EGFR: variants seen among roughly 807,000 people sequenced by gnomAD.
EGFR encodes avian erythroblastic leukemia viral (v-erb-b) oncogene homolog.
In EGFR, 58 loss-of-function variants were observed where a neutral mutation model predicts 143.0. The observed-to-expected ratio is 0.41, with a 90% CI of 0.33 to 0.50. The LOEUF is 0.50. Among genes scored for constraint, EGFR ranks in the 20% least tolerant of loss-of-function variants. EGFR has a pLI of 0.39. For synonymous variants in EGFR, 613 were observed against 594.4 expected, an observed-to-expected ratio of 1.03 and a Z score of -0.45; for missense variants, 1,307 against 1,579.0, an observed-to-expected ratio of 0.83 and a Z score of 2.92.
chr7:55,160,390 T>C, intron 12 of EGFR, 52 bp downstream of exon 12: 14 of 1,564,564 alleles, frequency 8.9e-6, no homozygotes, highest in Non-Finnish European at 1.1e-5. Flanking sequence ...ATGGGTCCTT[T>C]ATTTGTATTT....
rs1584165001 is a variant in EGFR, at chr7:55,151,482, G to A, written c.628+120G>A. 17 of 1,028,496 alleles carry A rather than the reference G, an allele frequency of 1.7e-5. No individual in the cohort carries two copies. In the East Asian group the frequency reaches 4.2e-4, roughly 25 times the overall value. The allele number at this position is 1,028,496 out of a possible 1,614,324, so 63.7% of individuals were successfully genotyped here. On this transcript the variant is annotated intron_variant, in intron 5 of 27. Transcript: ENST00000275493. ...AAAGAGTTACTTTATTACAGGGTCA[G>A]ATGTGAACCAGTAGGTGAAGGACAG...
chr7:55,204,165 A>G (rs1787996113), intron 27 of EGFR, among the ~76,000 whole-genome samples: 1 of 150,646 alleles, frequency 6.6e-6, no homozygotes, highest in Non-Finnish European at 1.5e-5. Flanking sequence ...CTACACACAC[A>G]CATACACACA....
intron 1 of EGFR, among the ~76,000 whole-genome samples, chr7:55,070,151 G>A (rs1041886828): frequency 3.9e-5 from 6 of 152,182 alleles, no homozygotes; most frequent in Admixed American, 6.5e-5. Context: ...TTCTCTGAAT[G>A]TTACATTTTC....
intron 19 of EGFR, among the ~76,000 whole-genome samples, chr7:55,177,772 T>A (rs1345384577): frequency 1.3e-5 from 2 of 152,248 alleles, no homozygotes; most frequent in African/African-American, 4.8e-5. Context: ...GGGCTCCAAC[T>A]GTGCGCTCTG....
At chr7:55,135,243 CAAAAT>C (rs1794070242) in intron 1 of EGFR, among the ~76,000 whole-genome samples, 1 of 151,682 alleles carries the variant, frequency 6.6e-6, no homozygotes, top group African/African-American at 2.4e-5. Context: ...TTCCCTAACT[CAAAAT>C]AAAGAGATGT....
In EGFR at chr7:55,198,784, C is replaced by A. The variant is rs1787727113; in HGVS notation, c.2769C>A (p.Ile923=). The A allele has an allele frequency of 5.6e-6, 9 of 1,614,242 alleles. No individual in the cohort carries two copies. Among genetic ancestry groups the A allele is most frequent in the Non-Finnish European group, 7.6e-6 (9 of 1,180,044 alleles). Residue 923 remains isoleucine (I), a synonymous_variant, in exon 23 of 28, where the codon ATC becomes ATA. Transcript: ENST00000275493. The part of the protein sequence containing the change: ...KPYDGIPASE[I]SSILEKGERL... Reference sequence around the variant, plus strand: ...ATGACGGAATCCCTGCCAGCGAGATCTCCTCCATCCTGGAGAAAGGAGAAC... The same window carrying A: ...ATGACGGAATCCCTGCCAGCGAGATATCCTCCATCCTGGAGAAAGGAGAAC...
intron 1 of EGFR, among the ~76,000 whole-genome samples, chr7:55,131,592 G>A (rs1479223154): frequency 1.3e-5 from 2 of 152,178 alleles, no homozygotes. Context: ...GGCGGCTTGG[G>A]CCCCTCGGAC....
chr7:55,082,734 C>G lies in EGFR; in HGVS notation c.89-59552C>G, dbSNP rs1790534677. ...CAGGGCAGCCGTAGTGTGTGGCTTC[C>G]CCAGGGCTGCTCTAACAGATCACCA... On this transcript the variant is annotated intron_variant, in intron 1 of 27. Transcript: ENST00000275493. 2.6e-5 allele frequency among the ~76,000 whole-genome samples: 4 copies of G among 152,286 alleles called. No individual in the cohort carries two copies. The South Asian group carries it at 8.3e-4, about 32-fold the overall frequency.
chr7:55,101,967 G>A (rs924884063), intron 1 of EGFR, among the ~76,000 whole-genome samples: 3 of 152,124 alleles, frequency 2.0e-5, no homozygotes, highest in African/African-American at 4.8e-5. Context: ...GCTATGTCGG[G>A]AAACTCTGTA....
chr7:55,056,504 T>TAGA (rs552001835), intron 1 of EGFR, among the ~76,000 whole-genome samples: 58 of 152,370 alleles, frequency 3.8e-4, no homozygotes, highest in African/African-American at 1.3e-3. Context: ...CCATTTCACA[T>TAGA]ATTGTTAGAA....
intron 1 of EGFR, among the ~76,000 whole-genome samples, chr7:55,057,025 A>T (rs1788866467): frequency 6.6e-6 from 1 of 152,200 alleles, no homozygotes; most frequent in Non-Finnish European, 1.5e-5. Flanking sequence ...AGGCACAAGG[A>T]TGCGCAGCAA....
Position 55,194,787 on chromosome 7 carries a change from A to G in EGFR, c.2701+1946A>G, listed in dbSNP as rs541393971. Among the ~76,000 whole-genome samples the G allele has an allele frequency of 1.5e-4, 23 of 152,330 alleles. 2 individuals are homozygous for G. The South Asian group carries it at 4.3e-3, about 29-fold the overall frequency. ...CAGGAAGTCCGTTCCCACTGAAAACATTGTGTGTTTTCAACATCATTGAGG... is the reference window on the plus strand; with the variant it reads ...CAGGAAGTCCGTTCCCACTGAAAACGTTGTGTGTTTTCAACATCATTGAGG... On this transcript the variant is annotated intron_variant, in intron 22 of 27. Coordinates refer to ENST00000275493, the MANE Select transcript of EGFR (RefSeq NM_005228.5).
chr7:55,158,789 G>A (rs1225722326), intron 11 of EGFR, among the ~76,000 whole-genome samples: 1 of 152,214 alleles, frequency 6.6e-6, no homozygotes, highest in Non-Finnish European at 1.5e-5. Flanking sequence ...GGAAAACCTG[G>A]CTCTGCCCTG....
chr7:55,164,678 G>T (rs889779970), intron 14 of EGFR, among the ~76,000 whole-genome samples: 12 of 152,180 alleles, frequency 7.9e-5, no homozygotes, highest in African/African-American at 2.9e-4. Context: ...TTTCCCTGCT[G>T]GTTTTATTTC....
intron 1 of EGFR, among the ~76,000 whole-genome samples, chr7:55,132,787 G>A (rs1240772798): frequency 6.6e-6 from 1 of 152,200 alleles, no homozygotes; most frequent in Admixed American, 6.5e-5. Context: ...AGGGCAGTGA[G>A]TACTTCTGAT....
In EGFR at chr7:55,206,905, G is replaced by C; in HGVS notation, c.*1288G>C. On this transcript the variant is annotated 3_prime_UTR_variant, in exon 28 of 28. Transcript: ENST00000275493. ...AGCATTATGAGTAGTGTGGAATTCAGGTAGTAAATATGAAACTAGGGTTTG... is the reference window on the plus strand; with the variant it reads ...AGCATTATGAGTAGTGTGGAATTCACGTAGTAAATATGAAACTAGGGTTTG... 4.3e-6 allele frequency: 1 copy of C among 233,156 alleles called. No homozygotes were observed. The highest frequency in any genetic ancestry group is 8.5e-6 in the Non-Finnish European group (1 of 118,016). The allele number at this position is 233,156 out of a possible 1,614,324, so 14.4% of individuals were successfully genotyped here. A position where few individuals can be genotyped will look rare whatever the true frequency, so the allele number is the denominator to read the frequency against.
chr7:55,043,584 ACTCCTGGCCTCAAGAGAACCGCCCC>A (rs17289015), intron 1 of EGFR, among the ~76,000 whole-genome samples: 25,135 of 151,930 alleles, frequency 0.17, 2,265 homozygotes, highest in African/African-American at 0.23. Flanking sequence ...TTGGTCTCGA[ACTCCTGGCCTCAAGAGAACCGCCCC>A]CTTCTTGGCC....
chr7:55,102,811 G>A (rs1328283961), intron 1 of EGFR, among the ~76,000 whole-genome samples: 1 of 152,030 alleles, frequency 6.6e-6, no homozygotes, highest in Non-Finnish European at 1.5e-5. Flanking sequence ...ATTCTCAGGA[G>A]GCACACTATG....
At chr7:55,154,220 C>A (rs889851368) in intron 7 of EGFR, 68 bp downstream of exon 7, 1 of 1,602,080 alleles carries the variant, frequency 6.2e-7, no homozygotes, top group Non-Finnish European at 8.5e-7. Context: ...CCTGCTGAGC[C>A]CTGGAGTATC....
Sources: allele counts gnomAD v4.1 joint callset (sites outside exome capture counted in the v4.1 genomes callset), GRCh38; gene constraint gnomAD v4.1.1; transcripts MANE v1.5; gene names NCBI Gene and HGNC (gene_info 2026-07-23, HGNC 2026-07-21).